Variants in HMCN2 observed in about 807,000 individuals in gnomAD.
The protein encoded by HMCN2 is hemicentin 2, also known as hemicentin-2.
HMCN2 carries 325 observed loss-of-function variants against 377.5 expected under a neutral mutation model. The ratio of observed to expected loss-of-function variants is 0.86; its 90% CI spans 0.79 to 0.94. HMCN2 has a LOEUF of 0.94. HMCN2 is among the 40% of genes least tolerant of loss of function. HMCN2 has a pLI of 0.00. For missense variants in HMCN2, 4,543 were observed against 4,725.3 expected (o/e 0.96, Z 1.13); for synonymous variants, 2,007 against 2,046.8 (o/e 0.98, Z 0.53).
At chr9:130,418,727 C>T (rs1301101783) in intron 85 of HMCN2, 45 bp from the exon 86 acceptor site, 1 of 1,375,776 alleles carries the variant, frequency 7.3e-7, no homozygotes, top group African/African-American at 1.5e-5. Flanking sequence ...CTTGAATATG[C>T]AAAAATAATT....
intron 85 of HMCN2, among the ~76,000 whole-genome samples, chr9:130,412,567 C>CTTT (rs55873444): frequency 0.35 from 47,569 of 134,514 alleles, 8,752 homozygotes; most frequent in Middle Eastern, 0.51. Flanking sequence ...CTTTCTTTCT[C>CTTT]TTTTTTTTTT....
rs902943260 is a variant in HMCN2, at chr9:130,423,146, G to C, written c.13381+420G>C. Among the ~76,000 whole-genome samples, 1 of 152,088 alleles carries C rather than the reference G, an allele frequency of 6.6e-6. No individual in the cohort carries two copies. Among genetic ancestry groups the C allele is most frequent in the African/African-American group, 2.4e-5 (1 of 41,410 alleles). ...TGCAGGCTGGAGGTGACGGGAAGCG[G>C]GAAACATGGAGAATTGAATTGCCTA... On this transcript the variant is annotated intron_variant, in intron 87 of 97. Coordinates refer to ENST00000683500, the MANE Select transcript of HMCN2 (RefSeq NM_001291815.2). This position sits in a 1 kb window ranked among gnomAD's most constrained non-coding sequence, Gnocchi z 5.5.
At position 130,433,342 on chromosome 9, in the gene HMCN2, C is replaced by CCGCAGGACGTGCTTCCGGCGCTGCT; in HGVS notation, c.14898_14922dup. The CCGCAGGACGTGCTTCCGGCGCTGCT allele has an allele frequency of 2.1e-6, 3 of 1,439,856 alleles. No individual in the cohort carries two copies. 89.2% of individuals were successfully genotyped at this position (1,439,856 alleles called of 1,614,324 possible). A position where few individuals can be genotyped will look rare whatever the true frequency, so the allele number is the denominator to read the frequency against. On this transcript the variant is annotated splice_region_variant and splice_polypyrimidine_tract_variant and intron_variant, in intron 97 of 97. Transcript: ENST00000683500. ...CCGCCTGTCCGTGTGTCTGTGCCGCCCGCAGGACGTGCTTCCGGCGCTGCT... is the reference window on the plus strand; with the variant it reads ...CCGCCTGTCCGTGTGTCTGTGCCGCCCGCAGGACGTGCTTCCGGCGCTGCTCGCAGGACGTGCTTCCGGCGCTGCT...
chr9:130,370,501 G>C (rs1840957823), intron 45 of HMCN2, among the ~76,000 whole-genome samples: 1 of 152,208 alleles, frequency 6.6e-6, no homozygotes, highest in Admixed American at 6.5e-5. Context: ...GCCTCACCCA[G>C]ATATCCCCAA....
Position 130,271,738 on chromosome 9 carries a change from C to T in HMCN2, c.259+5601C>T, listed in dbSNP as rs1834420353. 2.0e-5 allele frequency among the ~76,000 whole-genome samples: 3 copies of T among 149,112 alleles called. No homozygotes were observed. In the South Asian group the frequency reaches 6.4e-4, roughly 32 times the overall value. Reference sequence around the variant, plus strand: ...TCCTGTGATTGGAAACCAGGATATCCGTGCTAAGTGTGTTTGTTGGTACTG... The same window carrying T: ...TCCTGTGATTGGAAACCAGGATATCTGTGCTAAGTGTGTTTGTTGGTACTG... On this transcript the variant is annotated intron_variant, in intron 1 of 97. Coordinates refer to ENST00000683500, the MANE Select transcript of HMCN2 (RefSeq NM_001291815.2).
rs1265312371 is a variant in HMCN2 at position 130,267,476 on chromosome 9, A to ACACACG, written c.259+1340_259+1341insACACGC. Among the ~76,000 whole-genome samples the ACACACG allele has an allele frequency of 7.7e-3, 1,160 of 149,912 alleles. 29 individuals are homozygous for ACACACG. Among genetic ancestry groups the ACACACG allele is most frequent in the African/African-American group, 0.025 (1,004 of 40,418 alleles). ...CACACACACACACACACACACACAC[A>ACACACG]CGCACAGATTCCTTGCTAAATTGTA... On this transcript the variant is annotated intron_variant, in intron 1 of 97. Transcript: ENST00000683500.
At chr9:130,330,799 G>T (rs1307930343) in intron 22 of HMCN2, among the ~76,000 whole-genome samples, 2 of 151,908 alleles carry the variant, frequency 1.3e-5, no homozygotes, top group Non-Finnish European at 2.9e-5. Context: ...CCATTTTCTC[G>T]ATTCATTCTG....
At chr9:130,316,985 C>G (rs1837594700) in intron 15 of HMCN2, among the ~76,000 whole-genome samples, 1 of 152,070 alleles carries the variant, frequency 6.6e-6, no homozygotes, top group Admixed American at 6.5e-5. Context: ...TCCAGGTTAG[C>G]AGGGGGAGGG....
chr9:130,381,363 C>A (rs1444864461), intron 54 of HMCN2, among the ~76,000 whole-genome samples: 1 of 151,894 alleles, frequency 6.6e-6, no homozygotes, highest in African/African-American at 2.4e-5. Flanking sequence ...CAGGCTCTGG[C>A]CTTGGATGGC....
At position 130,429,591 on chromosome 9, in the gene HMCN2, T is replaced by C; in HGVS notation, c.14232T>C (p.Cys4744=). The C allele has an allele frequency of 6.4e-7, 1 of 1,550,398 alleles. No homozygotes were observed. The highest frequency in any genetic ancestry group is 8.7e-7 in the Non-Finnish European group (1 of 1,146,858). ...VDECLEGLDD[C]HYNQLCENTP... The stretch of plus-strand genomic sequence containing the variant: ...AATGCCTGGAGGGGTTGGACGACTG[T>C]CACTACAACCAGCTCTGCGAGAACA... The change falls in exon 94 of 98, where the codon TGT becomes TGC. Residue 4744 remains cysteine (C), a synonymous_variant. Coordinates refer to ENST00000683500, the MANE Select transcript of HMCN2 (RefSeq NM_001291815.2).
chr9:130,410,504 C>T, intron 84 of HMCN2, 67 bp from the exon 85 acceptor site: 1 of 1,456,622 alleles, frequency 6.9e-7, no homozygotes, highest in Non-Finnish European at 9.4e-7. Flanking sequence ...CAGTCCCCTA[C>T]CCAACTGTCT....
intron 1 of HMCN2, among the ~76,000 whole-genome samples, chr9:130,273,146 CTT>C (rs59958247): frequency 6.7e-6 from 1 of 148,862 alleles, no homozygotes; most frequent in South Asian, 2.1e-4. Context: ...AGGTTCCACC[CTT>C]TTTTTTTTAA....
Position 130,348,569 on chromosome 9 carries a change from G to A in HMCN2, c.4049G>A (p.Gly1350Glu), listed in dbSNP as rs1839518642. 2 of 1,304,106 alleles carry A rather than the reference G, an allele frequency of 1.5e-6. No individual in the cohort carries two copies. The highest frequency in any genetic ancestry group is 1.0e-6 in the Non-Finnish European group (1 of 988,938). The allele number at this position is 1,304,106 out of a possible 1,614,324, so 80.8% of individuals were successfully genotyped here. A position where few individuals can be genotyped will look rare whatever the true frequency, so the allele number is the denominator to read the frequency against. The stretch of plus-strand genomic sequence containing the variant: ...GTGCCCCCCAGCATCCGGGAGGACG[G>A]GCGCAAGGCCAACGTGTCGGGTATG... The part of the protein sequence containing the change: ...VYVPPSIRED[G>E]RKANVSGMAG... Residue 1350 changes from glycine (G) to glutamate (E), a missense_variant, in exon 27 of 98, where the codon GGG becomes GAG. Around this residue, in one of 5 missense-constraint regions of HMCN2, gnomAD observed 547 missense variants for 189.9 expected, o/e 2.88. Transcript: ENST00000683500.
rs1320214395 is a variant in HMCN2, at chr9:130,361,393, GA to G, written c.5951-612del. On this transcript the variant is annotated intron_variant, in intron 38 of 97. Transcript: ENST00000683500. The surrounding 1 kb of genome is among the most constrained non-coding windows in gnomAD (Gnocchi z 4.8). ...GGTTATGAAGATCTGGGGAATTTGA[GA>G]AACTGAAAGGAGGCCACGGGGCCTG... is the stretch of plus-strand genomic sequence containing the variant. 6.6e-6 allele frequency among the ~76,000 whole-genome samples: 1 copy of G among 152,236 alleles called. No individual in the cohort carries two copies. The highest frequency in any genetic ancestry group is 2.4e-5 in the African/African-American group (1 of 41,454).
At chr9:130,408,196 G>A (rs1843205746) in intron 83 of HMCN2, among the ~76,000 whole-genome samples, 1 of 152,124 alleles carries the variant, frequency 6.6e-6, no homozygotes, top group South Asian at 2.1e-4. Context: ...GGAATGAACA[G>A]CCCCAGGCAC....
intron 66 of HMCN2, among the ~76,000 whole-genome samples, chr9:130,392,630 A>G (rs986034215): frequency 1.1e-4 from 16 of 151,992 alleles, no homozygotes; most frequent in Non-Finnish European, 2.1e-4. Flanking sequence ...CTTCAGAATG[A>G]GATTGGTTGG....
chr9:130,417,084 G>A (rs1490044082), intron 85 of HMCN2, among the ~76,000 whole-genome samples: 7 of 148,628 alleles, frequency 4.7e-5, no homozygotes, highest in Non-Finnish European at 8.9e-5. Context: ...GCTAATTTTT[G>A]TATTTTTTAG....
Position 130,376,646 on chromosome 9 carries a change from C to T in HMCN2, c.8049C>T (p.Tyr2683=). The T allele has an allele frequency of 6.1e-6, 6 of 985,816 alleles. No individual in the cohort carries two copies. Among genetic ancestry groups the T allele is most frequent in the Non-Finnish European group, 7.2e-6 (6 of 829,960 alleles). 61.1% of individuals were successfully genotyped at this position (985,816 alleles called of 1,614,324 possible). A position where few individuals can be genotyped will look rare whatever the true frequency, so the allele number is the denominator to read the frequency against. The part of the protein sequence containing the change: ...WAVPPPTIRW[Y]KDGQPVTPSS... ...TGCCCCCGCCCACCATCCGCTGGTA[C>T]AAGGATGGACAGGTGAGTTTGGGAC... Residue 2683 remains tyrosine (Y), a synonymous_variant, in exon 52 of 98, where the codon TAC becomes TAT. Transcript: ENST00000683500.
chr9:130,318,013 A>G (rs1837657899), intron 15 of HMCN2, among the ~76,000 whole-genome samples: 1 of 151,914 alleles, frequency 6.6e-6, no homozygotes, highest in Non-Finnish European at 1.5e-5. Flanking sequence ...GCAAAGCTGC[A>G]CCCCTGGGGG....
Sources: allele counts gnomAD v4.1 joint callset (sites outside exome capture counted in the v4.1 genomes callset), GRCh38; gene constraint gnomAD v4.1.1; regional missense constraint gnomAD v4.1.1; non-coding constraint Gnocchi (gnomAD v3.1); transcripts MANE v1.5; gene names NCBI Gene and HGNC (gene_info 2026-07-23, HGNC 2026-07-21).